FHIP1A: variants seen among roughly 807,000 people sequenced by gnomAD.
The protein encoded by FHIP1A is FHF complex subunit HOOK-interacting protein 1A.
Under a neutral mutation model 88.6 loss-of-function variants are expected in FHIP1A, and 61 were observed. The ratio of observed to expected loss-of-function variants is 0.69; its 90% CI spans 0.56 to 0.85. The LOEUF is 0.85. Ranked by LOEUF, FHIP1A falls within the 40% of genes least tolerant of loss-of-function variation. The probability of loss-of-function intolerance (pLI) is 0.00; values close to 1 mark genes in which losing one functional copy is unlikely to be tolerated. For synonymous variants in FHIP1A, 478 were observed against 496.0 expected, an observed-to-expected ratio of 0.96 and a Z score of 0.48; for missense variants, 1,154 against 1,273.5, an observed-to-expected ratio of 0.91 and a Z score of 1.43.
chr4:151,627,267 G>T (rs1735989237), intron 7 of FHIP1A, among the ~76,000 whole-genome samples: 1 of 152,118 alleles, frequency 6.6e-6, no homozygotes, highest in Non-Finnish European at 1.5e-5. Flanking sequence ...TTTCTAAAAA[G>T]AAATGAAATA....
At chr4:151,448,684 A>G (rs949222347) in intron 1 of FHIP1A, among the ~76,000 whole-genome samples, 8 of 152,106 alleles carry the variant, frequency 5.3e-5, no homozygotes, top group Non-Finnish European at 1.0e-4. Context: ...TGTATATTCC[A>G]TATTTTGTTT....
intron 9 of FHIP1A, among the ~76,000 whole-genome samples, chr4:151,645,059 A>G (rs548450361): frequency 6.6e-6 from 1 of 152,324 alleles, no homozygotes; most frequent in South Asian, 2.1e-4. Flanking sequence ...AAGAATCAGA[A>G]CAGTCTTGCC....
Position 151,586,811 on chromosome 4 carries a change from CA to C in FHIP1A, c.891+14del. On this transcript the variant is annotated intron_variant, in intron 6 of 13. Coordinates refer to ENST00000435205, the MANE Select transcript of FHIP1A (RefSeq NM_001109977.3). ...ATGCAGTCATACAGGTACCAGAGCA[CA>C]ATAAAGGATCCCTTTGCTATGGCTT... is the stretch of plus-strand genomic sequence containing the variant. 6.6e-7 allele frequency: 1 copy of C among 1,525,218 alleles called. No individual in the cohort carries two copies. Among genetic ancestry groups the C allele is most frequent in the Non-Finnish European group, 8.9e-7 (1 of 1,126,676 alleles). The allele number at this position is 1,525,218 out of a possible 1,614,324, so 94.5% of individuals were successfully genotyped here.
chr4:151,635,929 A>G (rs1736336790), intron 8 of FHIP1A, among the ~76,000 whole-genome samples: 1 of 151,866 alleles, frequency 6.6e-6, no homozygotes, highest in Non-Finnish European at 1.5e-5. Context: ...TTCTTCACAG[A>G]CTCTTTCAAA....
intron 6 of FHIP1A, among the ~76,000 whole-genome samples, chr4:151,587,610 G>T (rs945393125): frequency 1.3e-5 from 2 of 150,968 alleles, no homozygotes; most frequent in Non-Finnish European, 2.9e-5. Flanking sequence ...TTGGTGTGCT[G>T]CACCCATTAA....
intron 3 of FHIP1A, among the ~76,000 whole-genome samples, chr4:151,499,484 C>T (rs980022554): frequency 2.0e-5 from 3 of 152,150 alleles, no homozygotes; most frequent in Non-Finnish European, 4.4e-5. Context: ...CTTTCCTTGA[C>T]CATGTTATTC....
intron 2 of FHIP1A, among the ~76,000 whole-genome samples, chr4:151,459,120 C>G (rs1361166439): frequency 1.3e-5 from 2 of 152,058 alleles, no homozygotes; most frequent in Non-Finnish European, 2.9e-5. Flanking sequence ...AACACAGTGG[C>G]CTCTGTGAGA....
chr4:151,521,072 A>G (rs1731427563), intron 3 of FHIP1A, among the ~76,000 whole-genome samples: 1 of 152,194 alleles, frequency 6.6e-6, no homozygotes, highest in Non-Finnish European at 1.5e-5. Flanking sequence ...GAGCTTTTGT[A>G]TATGGTAATC....
At chr4:151,447,390 A>G (rs1728645858) in intron 1 of FHIP1A, among the ~76,000 whole-genome samples, 1 of 152,052 alleles carries the variant, frequency 6.6e-6, no homozygotes, top group South Asian at 2.1e-4. Context: ...AAACATTTGG[A>G]ATGTTTTTCA....
chr4:151,476,958 T>A (rs981868745), intron 2 of FHIP1A, among the ~76,000 whole-genome samples: 2 of 152,128 alleles, frequency 1.3e-5, no homozygotes, highest in Admixed American at 6.5e-5. Flanking sequence ...TGAAGGCGTT[T>A]AAAAATGCTC....
intron 3 of FHIP1A, among the ~76,000 whole-genome samples, chr4:151,499,682 G>C (rs1047041995): frequency 3.9e-5 from 6 of 152,184 alleles, no homozygotes; most frequent in Non-Finnish European, 8.8e-5. Flanking sequence ...AGAGTTCAGC[G>C]TGGCTGGGGA....
chr4:151,490,590 C>T (rs1180697406), intron 3 of FHIP1A, among the ~76,000 whole-genome samples: 1 of 152,070 alleles, frequency 6.6e-6, no homozygotes, highest in Admixed American at 6.6e-5. Flanking sequence ...GGTAATATGA[C>T]AGAATGTGAT....
chr4:151,584,208 A>G (rs755672058), intron 5 of FHIP1A, among the ~76,000 whole-genome samples: 2 of 152,034 alleles, frequency 1.3e-5, no homozygotes, highest in East Asian at 3.9e-4. Context: ...ATGACTTCAT[A>G]TGGTCTCTCC....
chr4:151,506,151 C>T (rs967544932), intron 3 of FHIP1A, among the ~76,000 whole-genome samples: 1 of 152,008 alleles, frequency 6.6e-6, no homozygotes, highest in African/African-American at 2.4e-5. Context: ...CTAACATTCC[C>T]CCTGTCTTGG....
At chr4:151,546,977 G>A (rs1340185044) in intron 3 of FHIP1A, among the ~76,000 whole-genome samples, 2 of 152,048 alleles carry the variant, frequency 1.3e-5, no homozygotes, top group South Asian at 2.1e-4. Flanking sequence ...AGCAGCACCC[G>A]CCACCCCCTG....
intron 2 of FHIP1A, among the ~76,000 whole-genome samples, chr4:151,477,049 A>G (rs1468432263): frequency 2.6e-5 from 4 of 152,218 alleles, no homozygotes; most frequent in African/African-American, 9.6e-5. Context: ...TTCTCTGTGA[A>G]TTAATCTGTA....
chr4:151,650,673 G>T (rs1736998730), intron 11 of FHIP1A, 81 bp downstream of exon 11: 1 of 1,454,760 alleles, frequency 6.9e-7, no homozygotes, highest in Non-Finnish European at 9.1e-7. Flanking sequence ...GGTAGGAAAA[G>T]GTAAGGGATA....
intron 4 of FHIP1A, among the ~76,000 whole-genome samples, chr4:151,576,446 C>G (rs1213445638): frequency 2.6e-5 from 4 of 152,096 alleles, no homozygotes; most frequent in Non-Finnish European, 5.9e-5. Context: ...AGTCTCAAGG[C>G]ATGCACCACC....
At chr4:151,589,049 A>G (rs1734327797) in intron 7 of FHIP1A, 123 bp downstream of exon 7, 8 of 714,676 alleles carry the variant, frequency 1.1e-5, no homozygotes, top group Admixed American at 5.2e-5. Flanking sequence ...CATTCCGTCT[A>G]TATTTCTTAG....
Sources: gnomAD v4.1 joint callset for allele counts (sites outside exome capture counted in the v4.1 genomes callset) on GRCh38, gnomAD v4.1.1 for gene constraint, MANE v1.5 for transcripts, NCBI Gene and HGNC (gene_info 2026-07-23, HGNC 2026-07-21) for gene names.